The following SEZ6L2 variants were observed in gnomAD, a reference collection of about 807,000 sequenced individuals.
The protein encoded by SEZ6L2 is seizure 6-like protein 2.
A neutral mutation model predicts 97.0 loss-of-function variants in SEZ6L2; 44 were observed. The observed-to-expected ratio is 0.45, with a 90% CI of 0.36 to 0.58. SEZ6L2 has a LOEUF of 0.58. Ranked by LOEUF, SEZ6L2 falls within the 20% of genes least tolerant of loss-of-function variation. The pLI, the probability that SEZ6L2 is intolerant of heterozygous loss-of-function variation, is 0.00. For missense variants in SEZ6L2, 1,086 were observed against 1,233.3 expected (o/e 0.88, Z 1.79); for synonymous variants, 543 against 546.1 (o/e 0.99, Z 0.08).
chr16:29,897,871 C>G lies in SEZ6L2; in HGVS notation c.193G>C (p.Glu65Gln). 6.2e-7 allele frequency: 1 copy of G among 1,607,634 alleles called. No homozygotes were observed. The highest frequency in any genetic ancestry group is 8.5e-7 in the Non-Finnish European group (1 of 1,178,134). ...LHGALLRRGP[E>Q]MGYLPGSDRD... ...GCCTCACCTGGCAGGTAGCCCATCT[C>G]TGGGCCCCTCCTCAGCAGGGCCCCA... Residue 65 changes from glutamate (E) to glutamine (Q), a missense_variant, in exon 2 of 18, where the codon GAG becomes CAG. This residue lies in a region of SEZ6L2 where 776 missense variants were observed against 794.7 expected (regional missense o/e 0.98). Transcript: ENST00000617533.
At chr16:29,887,905 A>G in intron 6 of SEZ6L2, 88 bp from the exon 7 acceptor site, 2 of 1,437,156 alleles carry the variant, frequency 1.4e-6, no homozygotes, top group East Asian at 4.9e-5. Context: ...GAACTGTTGC[A>G]TTCACACATT....
chr16:29,887,173 C>G (rs1197410416), intron 7 of SEZ6L2, among the ~76,000 whole-genome samples: 1 of 142,272 alleles, frequency 7.0e-6, no homozygotes, highest in Non-Finnish European at 1.5e-5. Flanking sequence ...AAGAGTGAAA[C>G]TCTGTCTCAA....
Position 29,880,012 on chromosome 16 carries a change from A to G in SEZ6L2, c.1425T>C (p.Thr475=), listed in dbSNP as rs2067997262. Reference sequence around the variant, plus strand: ...CTGGGCGATACTCAGGGTCCGTGGTAGTGACATTTCCATGTGCCAGGAAGG... The same window carrying G: ...CTGGGCGATACTCAGGGTCCGTGGTGGTGACATTTCCATGTGCCAGGAAGG... The part of the protein sequence containing the change: ...FAPFLAHGNV[T]TTDPEYRPGA... The change falls in exon 9 of 18, where the codon ACT becomes ACC. Residue 475 remains threonine (T), a synonymous_variant. Coordinates refer to ENST00000617533, the MANE Select transcript of SEZ6L2 (RefSeq NM_001243332.2). The G allele has an allele frequency of 1.2e-6, 2 of 1,614,186 alleles. No homozygotes were observed. The highest frequency in any genetic ancestry group is 1.7e-6 in the Non-Finnish European group (2 of 1,180,036).
chr16:29,886,549 C>T (rs2068144562), intron 7 of SEZ6L2, among the ~76,000 whole-genome samples: 1 of 149,674 alleles, frequency 6.7e-6, no homozygotes, highest in Non-Finnish European at 1.5e-5. Context: ...GACGTGGTGG[C>T]ACACGCTTGT....
intron 7 of SEZ6L2, among the ~76,000 whole-genome samples, chr16:29,886,970 T>C (rs2068154830): frequency 1.3e-5 from 2 of 151,612 alleles, no homozygotes; most frequent in Admixed American, 1.3e-4. Context: ...TCACCTGAGG[T>C]TGGGAGTTTG....
chr16:29,872,582 C>T, intron 15 of SEZ6L2, 56 bp from the exon 16 acceptor site: 2 of 1,602,650 alleles, frequency 1.2e-6, no homozygotes, highest in African/African-American at 1.3e-5. Context: ...TGGGCTCTCC[C>T]AGCCTCCTGC....
chr16:29,873,135 AGCTCT>A lies in SEZ6L2; in HGVS notation c.2488+100_2488+104del. On this transcript the variant is annotated intron_variant, in intron 14 of 17. Transcript: ENST00000617533. This position sits in a 1 kb window ranked among gnomAD's most constrained non-coding sequence, Gnocchi z 4.3. ...ACGAGGCCACAGGAGGAGAACCGGG[AGCTCT>A]GTGGGGTCGCCCATTGGTCTCAAAT... 2.3e-6 allele frequency: 3 copies of A among 1,282,578 alleles called. No homozygotes were observed. The highest frequency in any genetic ancestry group is 3.2e-6 in the Non-Finnish European group (3 of 928,044). The allele number at this position is 1,282,578 out of a possible 1,614,324, so 79.4% of individuals were successfully genotyped here.
chr16:29,889,406 T>C (rs2068220178), intron 5 of SEZ6L2, among the ~76,000 whole-genome samples: 1 of 151,372 alleles, frequency 6.6e-6, no homozygotes, highest in African/African-American at 2.4e-5. Context: ...CCCATTGCAC[T>C]CCAGCCTGGG....
rs571745020 is a variant in SEZ6L2, at chr16:29,885,709, T to A, written c.1249A>T (p.Ile417Phe). The change falls in exon 8 of 18, where the codon ATC becomes TTC. Residue 417 changes from isoleucine to phenylalanine, a missense_variant. Ile to Phe is a conservative substitution (Grantham distance 21). Coordinates refer to ENST00000617533, the MANE Select transcript of SEZ6L2 (RefSeq NM_001243332.2). ...RSGGSPLSPVIYDSDMDDVPE... is the reference protein window; with the variant it reads ...RSGGSPLSPVFYDSDMDDVPE... ...ACATCGTCCATGTCCGAATCATAGA[T>A]CACGGGGGATAGGGGGCTGCCCCCT... 1 of 1,613,690 alleles carries A rather than the reference T, an allele frequency of 6.2e-7. No homozygotes were observed. Among genetic ancestry groups the A allele is most frequent in the Admixed American group, 1.7e-5 (1 of 59,980 alleles).
intron 12 of SEZ6L2, among the ~76,000 whole-genome samples, chr16:29,875,485 G>A (rs929842759): frequency 6.6e-6 from 1 of 152,112 alleles, no homozygotes; most frequent in African/African-American, 2.4e-5. Context: ...GGGGCGGGAA[G>A]CTTTGTCCAG....
chr16:29,897,272 C>A (rs1262491772), intron 2 of SEZ6L2, 151 bp from the exon 3 acceptor site: 2 of 670,776 alleles, frequency 3.0e-6, no homozygotes, highest in African/African-American at 3.7e-5. Context: ...CCTTCCCCAC[C>A]CCAGCCCCTA....
chr16:29,896,437 G>A (rs1044647294), intron 3 of SEZ6L2, among the ~76,000 whole-genome samples: 3 of 151,964 alleles, frequency 2.0e-5, no homozygotes, highest in South Asian at 2.1e-4. Context: ...GCGCCACCAC[G>A]CCTGGCTAAT....
chr16:29,885,166 C>G (rs898920856), intron 8 of SEZ6L2, among the ~76,000 whole-genome samples: 4 of 151,906 alleles, frequency 2.6e-5, no homozygotes, highest in Non-Finnish European at 5.9e-5. Context: ...CAAGATGGCG[C>G]CACTGCATTC....
chr16:29,891,713 A>C (rs902549174), intron 5 of SEZ6L2, among the ~76,000 whole-genome samples: 2 of 152,064 alleles, frequency 1.3e-5, no homozygotes, highest in African/African-American at 4.8e-5. Flanking sequence ...TGCAAAGACC[A>C]CTGGATTTGT....
rs918404714 is a variant in SEZ6L2 at position 29,872,179 on chromosome 16, G to A, written c.2742+8C>T. On this transcript the variant is annotated splice_region_variant and intron_variant, in intron 17 of 17. Coordinates refer to ENST00000617533, the MANE Select transcript of SEZ6L2 (RefSeq NM_001243332.2). ...TGGTGGCTCTTCAGGGGCAGGCAAG[G>A]TGCTTACCCCAGCTTCATACAGCGG... The A allele has an allele frequency of 6.3e-7, 1 of 1,589,524 alleles. No homozygotes were observed. The highest frequency in any genetic ancestry group is 1.8e-5 in the Admixed American group (1 of 56,572).
At chr16:29,898,281 G>A (rs564396006) in intron 1 of SEZ6L2, among the ~76,000 whole-genome samples, 9 of 152,246 alleles carry the variant, frequency 5.9e-5, no homozygotes, top group African/African-American at 1.9e-4. Flanking sequence ...AGGGGTCGCC[G>A]GTGCTGCCTT....
At position 29,871,632 on chromosome 16, in the gene SEZ6L2, C is replaced by T. The variant is rs374886442; in HGVS notation, c.*67G>A. On this transcript the variant is annotated 3_prime_UTR_variant, in exon 18 of 18. Coordinates refer to ENST00000617533, the MANE Select transcript of SEZ6L2 (RefSeq NM_001243332.2). ...CAGCCAGGAGGCAGAGACCGGGTCCCGTATTTCCCTCTGCCCGAATGAGGA... is the reference window on the plus strand; with the variant it reads ...CAGCCAGGAGGCAGAGACCGGGTCCTGTATTTCCCTCTGCCCGAATGAGGA... 230 of 1,509,676 alleles carry T rather than the reference C, an allele frequency of 1.5e-4. 1 individual carries two copies. The African/African-American group carries it at 2.6e-3, about 17-fold the overall frequency. The allele number at this position is 1,509,676 out of a possible 1,614,324, so 93.5% of individuals were successfully genotyped here.
Position 29,896,991 on chromosome 16 carries a change from C to G in SEZ6L2, c.342G>C (p.Gly114=). The part of the protein sequence containing the change: ...TTAVTPNGVR[G]AGPTAPELLT... ...GCAGTTCTGGCGCAGTGGGGCCTGC[C>G]CCCCTGACCCCGTTAGGGGTGACGG... The change falls in exon 3 of 18, where the codon GGG becomes GGC. Residue 114 remains glycine (G), a synonymous_variant. Coordinates refer to ENST00000617533, the MANE Select transcript of SEZ6L2 (RefSeq NM_001243332.2). 5 of 1,588,518 alleles carry G rather than the reference C, an allele frequency of 3.1e-6. No individual in the cohort carries two copies. Among genetic ancestry groups the G allele is most frequent in the Non-Finnish European group, 4.3e-6 (5 of 1,170,340 alleles).
intron 2 of SEZ6L2, among the ~76,000 whole-genome samples, chr16:29,897,610 T>A (rs2068433317): frequency 1.5e-5 from 2 of 135,002 alleles, no homozygotes; most frequent in Non-Finnish European, 1.6e-5. Context: ...TCTGTTTCTA[T>A]GTGTCTGTTT....
Sources: gnomAD v4.1 joint callset for allele counts (sites outside exome capture counted in the v4.1 genomes callset) on GRCh38, gnomAD v4.1.1 for gene constraint, gnomAD v4.1.1 regional missense constraint, Gnocchi (gnomAD v3.1) non-coding constraint, MANE v1.5 for transcripts, NCBI Gene and HGNC (gene_info 2026-07-23, HGNC 2026-07-21) for gene names.